Variants in SLC25A48 observed in about 807,000 individuals in gnomAD.
SLC25A48 encodes CTC-321K16.1.
A neutral mutation model predicts 32.2 loss-of-function variants in SLC25A48; 29 were observed. That is an observed-to-expected ratio of 0.90 (90% CI 0.67 to 1.23). SLC25A48 has a LOEUF of 1.23. Among genes scored for constraint, SLC25A48 ranks in the 50% most tolerant of loss-of-function variants. SLC25A48 has a pLI of 0.00. For synonymous variants in SLC25A48, 164 were observed against 172.3 expected (o/e 0.95, Z 0.38); for missense variants, 399 against 422.7 (o/e 0.94, Z 0.49).
At chr5:135,818,021 A>C (rs1164548361) in intron 4 of SLC25A48, among the ~76,000 whole-genome samples, 1 of 146,384 alleles carries the variant, frequency 6.8e-6, no homozygotes, top group Admixed American at 6.9e-5. Context: ...TGATCCATGC[A>C]GGGGAGAGTT....
intron 1 of SLC25A48, among the ~76,000 whole-genome samples, chr5:135,594,109 T>G (rs1751589687): frequency 6.6e-6 from 1 of 152,214 alleles, no homozygotes; most frequent in African/African-American, 2.4e-5. Context: ...AAAGAGGAAC[T>G]CTCAAACACG....
chr5:135,734,626 G>T (rs973761974), intron 3 of SLC25A48, among the ~76,000 whole-genome samples: 4 of 151,742 alleles, frequency 2.6e-5, no homozygotes, highest in African/African-American at 9.7e-5. Flanking sequence ...AGGAGATCGA[G>T]ACCACAGTGA....
At chr5:135,585,676 C>G (rs1751347869) in intron 1 of SLC25A48, among the ~76,000 whole-genome samples, 2 of 152,154 alleles carry the variant, frequency 1.3e-5, no homozygotes, top group South Asian at 4.1e-4. Context: ...CACAGTTTAT[C>G]ACAGTCTAGT....
At chr5:135,750,058 C>A (rs567704359) in intron 3 of SLC25A48, among the ~76,000 whole-genome samples, 2 of 152,252 alleles carry the variant, frequency 1.3e-5, no homozygotes, top group Non-Finnish European at 2.9e-5. Context: ...TGTATCCTAC[C>A]TTGTGCCTAT....
chr5:135,628,878 G>T (rs1230046267), intron 1 of SLC25A48, among the ~76,000 whole-genome samples: 1 of 152,172 alleles, frequency 6.6e-6, no homozygotes. Flanking sequence ...ATTTAATAAT[G>T]GAGATTTGTG....
chr5:135,667,876 T>G (rs761696464), intron 3 of SLC25A48, among the ~76,000 whole-genome samples: 9 of 152,226 alleles, frequency 5.9e-5, no homozygotes, highest in Non-Finnish European at 1.2e-4. Flanking sequence ...GTTCACTCAC[T>G]CTATAAACAT....
intron 4 of SLC25A48, among the ~76,000 whole-genome samples, chr5:135,828,005 G>A (rs769419139): frequency 4.6e-5 from 7 of 152,236 alleles, no homozygotes; most frequent in Non-Finnish European, 1.0e-4. Flanking sequence ...CTTCCCATGT[G>A]TGTGCCATCC....
intron 1 of SLC25A48, among the ~76,000 whole-genome samples, chr5:135,837,824 C>A (rs1484638371): frequency 1.3e-5 from 2 of 152,166 alleles, no homozygotes; most frequent in Non-Finnish European, 2.9e-5. Context: ...TGTAAATTAC[C>A]CAGTCTCAGT....
intron 3 of SLC25A48, among the ~76,000 whole-genome samples, chr5:135,738,617 C>A (rs868654042): frequency 6.6e-6 from 1 of 152,194 alleles, no homozygotes; most frequent in East Asian, 1.9e-4. Context: ...CTCTCTAAGC[C>A]TTGGCTGTCT....
intron 3 of SLC25A48, among the ~76,000 whole-genome samples, chr5:135,734,590 G>A (rs1755306324): frequency 6.6e-6 from 1 of 152,006 alleles, no homozygotes; most frequent in Admixed American, 6.6e-5. Flanking sequence ...CACTTTGGGA[G>A]GCTGAGGCGG....
intron 3 of SLC25A48, among the ~76,000 whole-genome samples, chr5:135,707,879 G>A (rs1249844389): frequency 2.0e-5 from 3 of 152,190 alleles, no homozygotes; most frequent in African/African-American, 7.2e-5. Flanking sequence ...TCTGGTGCCT[G>A]GCATGGAGTA....
intron 3 of SLC25A48, among the ~76,000 whole-genome samples, chr5:135,711,565 G>A (rs4976321): frequency 0.39 from 59,834 of 151,972 alleles, 13,004 homozygotes; most frequent in Non-Finnish European, 0.49. Flanking sequence ...GGCAAGGAAC[G>A]CTTCAGTGCT....
intron 1 of SLC25A48, among the ~76,000 whole-genome samples, chr5:135,584,001 C>T (rs1460936784): frequency 6.6e-6 from 1 of 152,224 alleles, no homozygotes; most frequent in African/African-American, 2.4e-5. Context: ...TTGTTCTTCA[C>T]ACTGCAAATA....
chr5:135,771,174 T>G (rs1756399655), intron 3 of SLC25A48, among the ~76,000 whole-genome samples: 1 of 148,408 alleles, frequency 6.7e-6, no homozygotes, highest in Non-Finnish European at 1.5e-5. Context: ...ATATCGCGGG[T>G]GGTGTACACC....
At chr5:135,851,503 C>T (rs1759863977) in intron 3 of SLC25A48, among the ~76,000 whole-genome samples, 1 of 152,326 alleles carries the variant, frequency 6.6e-6, no homozygotes, top group Non-Finnish European at 1.5e-5. Context: ...CAGCCCATGG[C>T]TAAGCCACAT....
intron 1 of SLC25A48, among the ~76,000 whole-genome samples, chr5:135,584,211 G>A (rs926885305): frequency 1.3e-5 from 2 of 152,210 alleles, no homozygotes; most frequent in African/African-American, 4.8e-5. Flanking sequence ...CCAACAAGTA[G>A]CATTTATTCC....
chr5:135,842,520 G>A (rs1759094784), intron 2 of SLC25A48, 61 bp downstream of exon 2: 1 of 1,477,250 alleles, frequency 6.8e-7, no homozygotes, highest in Non-Finnish European at 9.5e-7. Context: ...CCTGCCTCTG[G>A]GACTATTCCT....
chr5:135,664,466 G>A (rs1304139537), intron 3 of SLC25A48, among the ~76,000 whole-genome samples: 1 of 152,088 alleles, frequency 6.6e-6, no homozygotes, highest in Non-Finnish European at 1.5e-5. Context: ...TAACTTTTAG[G>A]GTACAAGTGG....
At chr5:135,726,512 C>G (rs775367849) in intron 3 of SLC25A48, among the ~76,000 whole-genome samples, 92 of 152,316 alleles carry the variant, frequency 6.0e-4, no homozygotes, top group Non-Finnish European at 1.1e-3. Context: ...TGAAACTGTT[C>G]TCCATGTCTG....
Sources: allele counts gnomAD v4.1 joint callset (sites outside exome capture counted in the v4.1 genomes callset), GRCh38; gene constraint gnomAD v4.1.1; transcripts MANE v1.5; gene names NCBI Gene and HGNC (gene_info 2026-07-23, HGNC 2026-07-21).